COL9A3: variants seen among roughly 807,000 people sequenced by gnomAD.
The protein encoded by COL9A3 is collagen alpha-3(IX) chain.
In COL9A3, 82 loss-of-function variants were observed where a neutral mutation model predicts 110.2. The ratio of observed to expected loss-of-function variants is 0.74; its 90% confidence interval spans 0.62 to 0.89. The LOEUF (loss-of-function observed/expected upper bound fraction) is 0.89, where lower values mean the gene tolerates loss of function less well. COL9A3 is among the 40% of genes least tolerant of loss of function. COL9A3 has a pLI of 0.00. For missense variants in COL9A3, 1,066 were observed against 981.3 expected (o/e 1.09, Z -1.15); for synonymous variants, 494 against 403.8 (o/e 1.22, Z -2.68).
intron 31 of COL9A3, 123 bp from the exon 32 acceptor site, chr20:62,840,419 G>A (rs1217924980): frequency 9.5e-6 from 9 of 948,428 alleles, no homozygotes; most frequent in Non-Finnish European, 5.1e-6. Flanking sequence ...CCCACCCGCT[G>A]TGGCCTCTCC....
At chr20:62,832,307 C>A in intron 25 of COL9A3, 118 bp downstream of exon 25, 1 of 1,023,170 alleles carries the variant, frequency 9.8e-7, no homozygotes, top group Non-Finnish European at 1.5e-6. Context: ...AGCCTCCTTT[C>A]TCCTCTTGCC....
chr20:62,825,250 T>C (rs1258449246), intron 12 of COL9A3, among the ~76,000 whole-genome samples: 1 of 152,088 alleles, frequency 6.6e-6, no homozygotes, highest in Non-Finnish European at 1.5e-5. Context: ...CTTCTGTGCC[T>C]GTCTTCCAGA....
chr20:62,824,397 C>T, intron 10 of COL9A3, 48 bp from the exon 11 acceptor site: 1 of 1,558,256 alleles, frequency 6.4e-7, no homozygotes, highest in African/African-American at 1.4e-5. Flanking sequence ...CGTCGGACGT[C>T]CTGCTCTGTT....
chr20:62,822,123 C>G lies in COL9A3; in HGVS notation c.436C>G (p.Leu146Val), dbSNP rs775721301. 6.3e-7 allele frequency: 1 copy of G among 1,579,758 alleles called. No homozygotes were observed. The highest frequency in any genetic ancestry group is 1.1e-5 in the South Asian group (1 of 90,418). Residue 146 changes from leucine (L) to valine (V), a missense_variant, in exon 9 of 32, where the codon CTC (leucine) becomes GTC (valine). Transcript: ENST00000649368. ...GLRGPPGPSG[L>V]PGLPGPPGPP... ...ACCCCCTCCCCAGGGACCTTCTGGA[C>G]TCCCCGGCCTCCCTGGTCCCCCAGG...
intron 15 of COL9A3, 88 bp from the exon 16 acceptor site, chr20:62,827,153 C>G: frequency 7.5e-7 from 1 of 1,325,346 alleles, no homozygotes; most frequent in Non-Finnish European, 1.1e-6. Context: ...AGGGCTGTCC[C>G]CCGCCCGGGC....
intron 29 of COL9A3, chr20:62,836,811 G>A (rs777920213): frequency 3.7e-5 from 23 of 626,428 alleles, no homozygotes; most frequent in East Asian, 1.6e-4. Context: ...CAAGAACAGC[G>A]GAGTGTGCCC....
At chr20:62,836,153 C>T (rs200095781) in intron 27 of COL9A3, 34 bp from the exon 28 acceptor site, 93 of 1,609,422 alleles carry the variant, frequency 5.8e-5, no homozygotes, top group African/African-American at 2.3e-4. Flanking sequence ...CTCCTGGGCT[C>T]GCCCCTGACC....
intron 26 of COL9A3, among the ~76,000 whole-genome samples, chr20:62,833,941 G>A (rs1013680030): frequency 4.0e-5 from 6 of 151,844 alleles, no homozygotes; most frequent in African/African-American, 1.5e-4. Context: ...GTGCAGTGAC[G>A]CCATCTCGGC....
intron 30 of COL9A3, among the ~76,000 whole-genome samples, chr20:62,838,370 G>T (rs927755765): frequency 6.6e-6 from 1 of 152,156 alleles, no homozygotes; most frequent in Non-Finnish European, 1.5e-5. Flanking sequence ...ACCTGGTGGT[G>T]GGTATCTGTG....
At chr20:62,836,417 G>A in intron 28 of COL9A3, 61 bp from the exon 29 acceptor site, 1 of 1,613,776 alleles carries the variant, frequency 6.2e-7, no homozygotes, top group Non-Finnish European at 8.5e-7. Flanking sequence ...CGGGGTGACG[G>A]TGGGAATGCC....
chr20:62,822,670 G>C, intron 10 of COL9A3, 38 bp downstream of exon 10: 1 of 1,605,278 alleles, frequency 6.2e-7, no homozygotes, highest in Non-Finnish European at 8.5e-7. Flanking sequence ...GTGCTGGGGG[G>C]TGCCTACCTT....
intron 10 of COL9A3, among the ~76,000 whole-genome samples, chr20:62,823,421 C>T (rs1005886072): frequency 2.6e-5 from 4 of 152,206 alleles, no homozygotes; most frequent in Admixed American, 6.5e-5. Flanking sequence ...TGGCAGTCAG[C>T]GCCTTGTTTC....
At chr20:62,823,745 G>GC (rs142178829) in intron 10 of COL9A3, among the ~76,000 whole-genome samples, 73 of 152,382 alleles carry the variant, frequency 4.8e-4, no homozygotes, top group African/African-American at 1.5e-3. Context: ...GGCTCACAGT[G>GC]CCCCTCCTAA....
intron 15 of COL9A3, 56 bp downstream of exon 15, chr20:62,826,876 CT>C: frequency 6.3e-7 from 1 of 1,574,980 alleles, no homozygotes; most frequent in Non-Finnish European, 8.6e-7. Context: ...TCCCCTTTCC[CT>C]CTGCTCCTCT....
Position 62,829,685 on chromosome 20 carries a change from A to C in COL9A3, c.1107+4A>C, listed in dbSNP as rs2063580721. 6.2e-7 allele frequency: 1 copy of C among 1,607,880 alleles called. No homozygotes were observed. Among genetic ancestry groups the C allele is most frequent in the Non-Finnish European group, 8.5e-7 (1 of 1,178,142 alleles). On this transcript the variant is annotated splice_donor_region_variant and intron_variant, in intron 21 of 31. Coordinates refer to ENST00000649368, the MANE Select transcript of COL9A3 (RefSeq NM_001853.4). ...CTCTGGAGAGCCAGGCGTCCCTGTG[A>C]GTATCTGCGGCGCCCCAGACCCCTC...
At chr20:62,825,489 C>A in intron 12 of COL9A3, 1 of 467,286 alleles carries the variant, frequency 2.1e-6, no homozygotes, top group African/African-American at 1.9e-5. Flanking sequence ...CTGGGATGCC[C>A]TTTAGCGTGG....
chr20:62,821,293 C>T, intron 6 of COL9A3, 77 bp downstream of exon 6: 1 of 1,467,964 alleles, frequency 6.8e-7, no homozygotes, highest in South Asian at 1.2e-5. Context: ...GGGGTGGCCT[C>T]CAGGAATCCC....
chr20:62,816,952 G>C, upstream of COL9A3: 12 of 563,750 alleles, frequency 2.1e-5, no homozygotes, highest in Non-Finnish European at 2.7e-5. Context: ...CGGCTGAATG[G>C]GGGGCTTGTG....
intron 30 of COL9A3, 124 bp downstream of exon 30, chr20:62,837,389 C>T: frequency 9.6e-7 from 1 of 1,046,202 alleles, no homozygotes; most frequent in Non-Finnish European, 1.4e-6. Context: ...ACGTGGGGGC[C>T]TCTCATGTTT....
Sources: gnomAD v4.1 joint callset for allele counts (sites outside exome capture counted in the v4.1 genomes callset) on GRCh38, gnomAD v4.1.1 for gene constraint, MANE v1.5 for transcripts, NCBI Gene and HGNC (gene_info 2026-07-23, HGNC 2026-07-21) for gene names.